The following TAF15 variants were observed in gnomAD, a reference collection of about 807,000 sequenced individuals.
TAF15 encodes TATA-binding protein-associated factor 2N.
TAF15 carries 37 observed loss-of-function variants against 102.5 expected under a neutral mutation model. The observed-to-expected ratio is 0.36, with a 90% confidence interval of 0.28 to 0.47. The LOEUF (loss-of-function observed/expected upper bound fraction) is 0.47. Among genes scored for constraint, TAF15 ranks in the 20% least tolerant of loss-of-function variants. The pLI is 0.99. For missense variants in TAF15, 652 were observed against 760.7 expected, an observed-to-expected ratio of 0.86 and a Z score of 1.68; for synonymous variants, 273 against 259.2, an observed-to-expected ratio of 1.05 and a Z score of -0.51.
chr17:35,842,522 CTG>C, intron 12 of TAF15, 63 bp downstream of exon 12: 1 of 1,311,140 alleles, frequency 7.6e-7, no homozygotes, highest in South Asian at 1.2e-5. Context: ...AGTTCATACT[CTG>C]TTTCTATTTG....
intron 1 of TAF15, chr17:35,816,748 A>C (rs1199378528): frequency 6.6e-6 from 1 of 151,478 alleles, no homozygotes; most frequent in Non-Finnish European, 1.5e-5. Flanking sequence ...TGACATTTTG[A>C]AGTATTGAGA....
At chr17:35,835,988 A>G (rs1598542967) in intron 9 of TAF15, 144 bp from the exon 10 acceptor site, 2 of 634,670 alleles carry the variant, frequency 3.2e-6, no homozygotes, top group East Asian at 5.5e-5. Context: ...TTGCATGTTT[A>G]TATAAGGTTG....
Position 35,844,150 on chromosome 17 carries a change from C to T in TAF15, c.1080C>T (p.Cys360=). ...ACCCCAAAAGTGGGGATTGGGTTTG[C>T]CCTAATCCGTAAGTGTCTTGTTTAC... is the stretch of plus-strand genomic sequence containing the variant. The part of the protein sequence containing the change: ...GGDPKSGDWV[C]PNPSCGNMNF... The change falls in exon 13 of 16, where the codon TGC becomes TGT. Residue 360 remains cysteine, a synonymous_variant. Transcript: ENST00000605844. 1 of 1,613,804 alleles carries T rather than the reference C, an allele frequency of 6.2e-7. No individual in the cohort carries two copies. The highest frequency in any genetic ancestry group is 1.1e-5 in the South Asian group (1 of 91,070).
chr17:35,829,007 C>T (rs920862962), intron 7 of TAF15, among the ~76,000 whole-genome samples: 1 of 152,064 alleles, frequency 6.6e-6, no homozygotes, highest in African/African-American at 2.4e-5. Flanking sequence ...GCCTTTTTAC[C>T]ATGCATGTAA....
At chr17:35,826,156 A>AT (rs1280974345) in intron 7 of TAF15, among the ~76,000 whole-genome samples, 7 of 152,058 alleles carry the variant, frequency 4.6e-5, no homozygotes, top group Non-Finnish European at 1.0e-4. Flanking sequence ...TATAAACTAA[A>AT]TTTTTTATTT....
At chr17:35,836,701 A>G (rs887737061) in intron 10 of TAF15, among the ~76,000 whole-genome samples, 6 of 152,184 alleles carry the variant, frequency 3.9e-5, no homozygotes, top group Non-Finnish European at 8.8e-5. Context: ...TCAACTAGAA[A>G]GCAGCCTTAG....
At position 35,809,595 on chromosome 17, in the gene TAF15, G is replaced by C. The variant is rs1373440933; in HGVS notation, c.7+19G>C. 4 of 1,613,162 alleles carry C rather than the reference G, an allele frequency of 2.5e-6. No individual in the cohort carries two copies. The African/African-American group carries it at 4.0e-5, about 16-fold the overall frequency. ...ATGTCGGGTAGGTGACTTCTTCAGC[G>C]AGCAGCGGCAGCGACGAGAAGGTCC... On this transcript the variant is annotated intron_variant, in intron 1 of 15. Coordinates refer to ENST00000605844, the MANE Select transcript of TAF15 (RefSeq NM_139215.3).
chr17:35,837,627 A>T (rs1161540034), intron 10 of TAF15, among the ~76,000 whole-genome samples: 3 of 151,902 alleles, frequency 2.0e-5, no homozygotes, highest in Non-Finnish European at 2.9e-5. Flanking sequence ...GGAGATCAAG[A>T]CCATCCTGGC....
chr17:35,827,760 G>A (rs2087348732), intron 7 of TAF15, among the ~76,000 whole-genome samples: 3 of 152,140 alleles, frequency 2.0e-5, no homozygotes, highest in Admixed American at 1.3e-4. Flanking sequence ...ATAAGGTAAA[G>A]GATGGGACAT....
chr17:35,838,541 G>A lies in TAF15; in HGVS notation c.901G>A (p.Asp301Asn). The change falls in exon 11 of 16, where the codon GAC becomes AAC. Residue 301 changes from aspartate to asparagine, a missense_variant. Physicochemically the swap from Asp to Asn is conservative, Grantham distance 23. Coordinates refer to ENST00000605844, the MANE Select transcript of TAF15 (RefSeq NM_139215.3). The stretch of plus-strand genomic sequence containing the variant: ...CCCTCCTTCAGCTAAGGCAGCCATT[G>A]ACTGGTTTGATGGTATGCCTCATTC... Reference protein sequence around the residue: ...DDPPSAKAAIDWFDGKEFHGN... With the variant: ...DDPPSAKAAINWFDGKEFHGN... 6.2e-7 allele frequency: 1 copy of A among 1,614,194 alleles called. No homozygotes were observed. The highest frequency in any genetic ancestry group is 1.6e-4 in the Middle Eastern group (1 of 6,062).
intron 14 of TAF15, 36 bp downstream of exon 14, chr17:35,844,404 T>A: frequency 1.9e-6 from 3 of 1,610,452 alleles, no homozygotes; most frequent in Non-Finnish European, 2.5e-6. Flanking sequence ...GCATCGTGCT[T>A]ATCTTCTGAC....
In TAF15 at chr17:35,820,318, C is replaced by T. The variant is rs781578764; in HGVS notation, c.185-14C>T. ...CAGAGCCTTCACTAAATGATATACTCATCTAATCTTTAGGTTATTCACAGT... is the reference window on the plus strand; with the variant it reads ...CAGAGCCTTCACTAAATGATATACTTATCTAATCTTTAGGTTATTCACAGT... On this transcript the variant is annotated splice_polypyrimidine_tract_variant and intron_variant, in intron 4 of 15. Transcript: ENST00000605844. The T allele has an allele frequency of 6.2e-7, 1 of 1,613,522 alleles. No homozygotes were observed. Among genetic ancestry groups the T allele is most frequent in the Non-Finnish European group, 8.5e-7 (1 of 1,179,512 alleles).
chr17:35,831,668 T>G (rs1335637473), intron 7 of TAF15, among the ~76,000 whole-genome samples: 1 of 152,170 alleles, frequency 6.6e-6, no homozygotes, highest in Non-Finnish European at 1.5e-5. Context: ...TTCTAGCACT[T>G]ATTCGTGAAC....
chr17:35,826,645 C>T (rs1168028137), intron 7 of TAF15, among the ~76,000 whole-genome samples: 3 of 151,320 alleles, frequency 2.0e-5, no homozygotes, highest in Admixed American at 6.6e-5. Context: ...GCAACCTCCA[C>T]CTCCCAGGTT....
intron 1 of TAF15, among the ~76,000 whole-genome samples, chr17:35,814,676 A>C (rs917715789): frequency 1.3e-5 from 2 of 151,790 alleles, no homozygotes; most frequent in Non-Finnish European, 2.9e-5. Context: ...AACATGGTGA[A>C]ACTCCATCTC....
In TAF15 at chr17:35,829,702, T is replaced by C. The variant is rs191500404; in HGVS notation, c.606-4205T>C. ...AGAGATTCTGTCAAAGAACTTTTTC[T>C]TTCTTGAGAAGCATCTGAAATGGAA... On this transcript the variant is annotated intron_variant, in intron 7 of 15. Coordinates refer to ENST00000605844, the MANE Select transcript of TAF15 (RefSeq NM_139215.3). Among the ~76,000 whole-genome samples, 404 of 151,964 alleles carry C rather than the reference T, an allele frequency of 2.7e-3. 4 individuals are homozygous for C. The highest frequency in any genetic ancestry group is 9.4e-3 in the African/African-American group (391 of 41,438).
intron 9 of TAF15, among the ~76,000 whole-genome samples, chr17:35,834,927 G>A (rs2087456409): frequency 6.6e-6 from 1 of 151,796 alleles, no homozygotes; most frequent in African/African-American, 2.4e-5. Context: ...TGTATTTTTA[G>A]TAGAGGCAGG....
At chr17:35,845,181 C>A in intron 15 of TAF15, 143 bp downstream of exon 15, 1 of 1,064,822 alleles carries the variant, frequency 9.4e-7, no homozygotes, top group Non-Finnish European at 1.4e-6. Flanking sequence ...TAGTTTCCTG[C>A]TTAGCAATTT....
intron 2 of TAF15, among the ~76,000 whole-genome samples, chr17:35,819,523 C>G (rs985183120): frequency 5.3e-5 from 8 of 152,096 alleles, no homozygotes; most frequent in Admixed American, 3.9e-4. Flanking sequence ...ATTATTGAGA[C>G]TTTTAAACTG....
Sources: allele counts gnomAD v4.1 joint callset (sites outside exome capture counted in the v4.1 genomes callset), GRCh38; gene constraint gnomAD v4.1.1; transcripts MANE v1.5; gene names NCBI Gene and HGNC (gene_info 2026-07-23, HGNC 2026-07-21).